JPH3: variants seen among roughly 807,000 people sequenced by gnomAD.
JPH3 encodes junctophilin-3.
Under a neutral mutation model 59.6 loss-of-function variants are expected in JPH3, and 11 were observed. The ratio of observed to expected loss-of-function variants is 0.18; its 90% CI spans 0.12 to 0.31. The LOEUF (loss-of-function observed/expected upper bound fraction) is 0.31, where lower values mean the gene tolerates loss of function less well. Ranked by LOEUF, JPH3 falls within the 10% of genes least tolerant of loss-of-function variation. JPH3 has a pLI of 1.00. For missense variants in JPH3, 1,202 were observed against 1,105.7 expected, an observed-to-expected ratio of 1.09 and a Z score of -1.24; for synonymous variants, 673 against 483.6, an observed-to-expected ratio of 1.39 and a Z score of -5.14.
In JPH3 at chr16:87,603,375, A is replaced by T; in HGVS notation, c.229A>T (p.Ser77Cys). ...QGKRHGIGLE[S>C]KGKWVYKGEW... ...CAAGCGCCACGGCATCGGCCTGGAG[A>T]GCAAGGGGAAGTGGGTGTACAAGGG... Residue 77 changes from serine to cysteine, a missense_variant, in exon 1 of 5, where the codon AGC becomes TGC. By Grantham distance (112) the Ser-to-Cys change is moderately radical. Transcript: ENST00000284262. 6.2e-7 allele frequency: 1 copy of T among 1,608,716 alleles called. No homozygotes were observed. The highest frequency in any genetic ancestry group is 8.5e-7 in the Non-Finnish European group (1 of 1,177,662).
rs118079046 is a variant in JPH3 at position 87,635,969 on chromosome 16, C to T, written c.383-8289C>T. On this transcript the variant is annotated intron_variant, in intron 1 of 4. Coordinates refer to ENST00000284262, the MANE Select transcript of JPH3 (RefSeq NM_020655.4). ...TGGGGTGTCTTCCGGGGCCCCAGGGCCAGGGCAACTGGAGCAGACAGGACA... is the reference window on the plus strand; with the variant it reads ...TGGGGTGTCTTCCGGGGCCCCAGGGTCAGGGCAACTGGAGCAGACAGGACA... Among the ~76,000 whole-genome samples, 97 of 152,342 alleles carry T rather than the reference C, an allele frequency of 6.4e-4. 1 individual carries two copies. In the East Asian group the frequency reaches 0.017, roughly 27 times the overall value.
At chr16:87,677,179 T>G (rs1345758235) in intron 2 of JPH3, among the ~76,000 whole-genome samples, 1 of 72,686 alleles carries the variant, frequency 1.4e-5, no homozygotes, top group South Asian at 4.4e-4. Context: ...ACGCACTATA[T>G]ATATATACAC....
chr16:87,681,259 C>A (rs58026476), intron 2 of JPH3, among the ~76,000 whole-genome samples: 1 of 98,992 alleles, frequency 1.0e-5, no homozygotes, highest in African/African-American at 3.9e-5. Flanking sequence ...CAGAAGGTCA[C>A]GTGCGCGCGG....
chr16:87,604,013 A>G lies in JPH3; in HGVS notation c.382+485A>G, dbSNP rs950888166. The G allele has an allele frequency of 3.3e-6, 3 of 901,248 alleles. No homozygotes were observed. In the African/African-American group the frequency reaches 5.4e-5, roughly 16 times the overall value. The allele number at this position is 901,248 out of a possible 1,614,324, so 55.8% of individuals were successfully genotyped here. On this transcript the variant is annotated intron_variant, in intron 1 of 4. Transcript: ENST00000284262. ...CAGCCCCGAATCTGCCCAAGCCGAG[A>G]GAAAGGGAGTGATGGGGAGCGCTAG...
At chr16:87,656,877 G>C (rs878915793) in intron 2 of JPH3, among the ~76,000 whole-genome samples, 1 of 152,128 alleles carries the variant, frequency 6.6e-6, no homozygotes, top group African/African-American at 2.4e-5. Context: ...GTGGTGTTCC[G>C]ACAGGGGATC....
chr16:87,665,730 C>T (rs931441526), intron 2 of JPH3, among the ~76,000 whole-genome samples: 8 of 152,222 alleles, frequency 5.3e-5, no homozygotes, highest in East Asian at 3.9e-4. Context: ...CTCTTCCTCC[C>T]GGCTGCCCCG....
intron 2 of JPH3, among the ~76,000 whole-genome samples, chr16:87,664,204 G>A (rs777898389): frequency 5.3e-5 from 8 of 152,076 alleles, no homozygotes; most frequent in Admixed American, 1.3e-4. Flanking sequence ...GGTGGAAGGC[G>A]CCTGTAGTCC....
At chr16:87,682,687 T>G (rs1158362372) in intron 2 of JPH3, among the ~76,000 whole-genome samples, 1 of 152,204 alleles carries the variant, frequency 6.6e-6, no homozygotes, top group Non-Finnish European at 1.5e-5. Flanking sequence ...CTGCGGTGCT[T>G]TGTTGCAGCC....
At chr16:87,602,073 G>A (rs2030216578), upstream of JPH3, 1 of 152,504 alleles carries the variant, frequency 6.6e-6, no homozygotes. Context: ...GAGCCCGGCG[G>A]GAGGGGCGAG....
At chr16:87,638,649 C>T (rs1014280371) in intron 1 of JPH3, among the ~76,000 whole-genome samples, 6 of 151,612 alleles carry the variant, frequency 4.0e-5, no homozygotes, top group Non-Finnish European at 8.8e-5. Context: ...GTGAGGAGTA[C>T]CGGGACCCGG....
chr16:87,627,693 G>T (rs1469810057), intron 1 of JPH3, among the ~76,000 whole-genome samples: 4 of 152,212 alleles, frequency 2.6e-5, no homozygotes, highest in Admixed American at 2.6e-4. Context: ...TATGGGGAAG[G>T]TGAGGCTCAG....
At chr16:87,692,644 G>A (rs1490171081) in intron 4 of JPH3, among the ~76,000 whole-genome samples, 2 of 152,096 alleles carry the variant, frequency 1.3e-5, no homozygotes, top group Admixed American at 1.3e-4. Context: ...GTAGGGCCCT[G>A]GCAATTCAGG....
chr16:87,655,684 C>G (rs7206369), intron 2 of JPH3, among the ~76,000 whole-genome samples: 2,711 of 152,338 alleles, frequency 0.018, 107 homozygotes, highest in African/African-American at 0.061. Context: ...CCTGTATTCC[C>G]TAAATAGTCA....
intron 2 of JPH3, among the ~76,000 whole-genome samples, chr16:87,649,711 AT>A (rs566390405): frequency 9.3e-4 from 142 of 152,288 alleles, no homozygotes; most frequent in Middle Eastern, 3.4e-3. Context: ...GATGGGGCAG[AT>A]TGTAGCCCGT....
At chr16:87,640,590 A>G (rs2031915558) in intron 1 of JPH3, among the ~76,000 whole-genome samples, 1 of 151,864 alleles carries the variant, frequency 6.6e-6, no homozygotes, top group South Asian at 2.1e-4. Flanking sequence ...ACAGGATTTC[A>G]CTATGTTGGC....
At chr16:87,620,116 G>C (rs959228591) in intron 1 of JPH3, among the ~76,000 whole-genome samples, 2 of 152,162 alleles carry the variant, frequency 1.3e-5, no homozygotes, top group African/African-American at 2.4e-5. Flanking sequence ...AGTACTGCGT[G>C]GGAGGGAGAA....
intron 1 of JPH3, among the ~76,000 whole-genome samples, chr16:87,625,617 C>T (rs555093491): frequency 6.6e-5 from 10 of 152,264 alleles, no homozygotes; most frequent in South Asian, 4.1e-4. Flanking sequence ...TGTCTCACAG[C>T]GCAGACTGGG....
intron 1 of JPH3, among the ~76,000 whole-genome samples, chr16:87,643,334 C>G (rs1245544396): frequency 2.0e-5 from 3 of 152,214 alleles, no homozygotes; most frequent in Non-Finnish European, 4.4e-5. Context: ...GCCATGGAAA[C>G]AGTGCTGCTG....
At chr16:87,642,288 A>C (rs1437453914) in intron 1 of JPH3, among the ~76,000 whole-genome samples, 2 of 151,896 alleles carry the variant, frequency 1.3e-5, no homozygotes, top group African/African-American at 2.4e-5. Context: ...TCGCTCCGAG[A>C]GATGGCGGCA....
Sources: gnomAD v4.1 joint callset for allele counts (sites outside exome capture counted in the v4.1 genomes callset) on GRCh38, gnomAD v4.1.1 for gene constraint, MANE v1.5 for transcripts, NCBI Gene and HGNC (gene_info 2026-07-23, HGNC 2026-07-21) for gene names.